PCDH17: variants seen among roughly 807,000 people sequenced by gnomAD.
The protein encoded by PCDH17 is protocadherin-17.
Under a neutral mutation model 67.7 loss-of-function variants are expected in PCDH17, and 21 were observed. The observed-to-expected ratio is 0.31, with a 90% CI of 0.22 to 0.45. The LOEUF is 0.45. PCDH17 is among the 20% of genes least tolerant of loss of function. The pLI is 1.00. For missense variants in PCDH17, 1,471 were observed against 1,564.8 expected (o/e 0.94, Z 1.01); for synonymous variants, 701 against 656.7 (o/e 1.07, Z -1.03).
chr13:57,689,042 G>A (rs575965535), intron 3 of PCDH17, among the ~76,000 whole-genome samples: 24 of 152,074 alleles, frequency 1.6e-4, no homozygotes, highest in African/African-American at 2.4e-4. Flanking sequence ...ATTTATTAGC[G>A]AAGAAATTCA....
In PCDH17 at chr13:57,634,958, GC is replaced by G; in HGVS notation, c.2416del (p.Leu806SerfsTer8). ...PMYFDYQTRL[P>X]LSSPRSEVMY... ...TGTACTTCGACTACCAGACCCGCCT[GC>G]CCCTCAGCTCGCCCCGGTCGGAGGT... On this transcript the variant is annotated frameshift_variant, in exon 1 of 4. Transcript: ENST00000377918. LOFTEE classifies it high-confidence loss of function. This position sits in a 1 kb window ranked among gnomAD's most constrained non-coding sequence, Gnocchi z 7.8. The G allele has an allele frequency of 1.2e-6, 2 of 1,613,890 alleles. No homozygotes were observed. Among genetic ancestry groups the G allele is most frequent in the Non-Finnish European group, 1.7e-6 (2 of 1,179,984 alleles).
intron 1 of PCDH17, among the ~76,000 whole-genome samples, chr13:57,649,313 C>T (rs1208620490): frequency 2.6e-5 from 4 of 152,058 alleles, no homozygotes; most frequent in East Asian, 1.9e-4. Context: ...AAGGAGAATC[C>T]GTCCAAGGGC....
intron 3 of PCDH17, among the ~76,000 whole-genome samples, chr13:57,674,340 T>C (rs1955361691): frequency 6.6e-6 from 1 of 152,024 alleles, no homozygotes; most frequent in South Asian, 2.1e-4. Context: ...TTTTATTTCT[T>C]TCTAGAGACA....
intron 1 of PCDH17, among the ~76,000 whole-genome samples, chr13:57,652,991 G>A (rs1428646612): frequency 6.6e-6 from 1 of 152,132 alleles, no homozygotes; most frequent in Non-Finnish European, 1.5e-5. Context: ...TGTGACCTAT[G>A]TATAACACAT....
intron 3 of PCDH17, among the ~76,000 whole-genome samples, chr13:57,709,464 A>G (rs1394612982): frequency 6.6e-6 from 1 of 151,764 alleles, no homozygotes; most frequent in Non-Finnish European, 1.5e-5. Context: ...AAACTTAAAT[A>G]CCCCCAGAAA....
intron 3 of PCDH17, among the ~76,000 whole-genome samples, chr13:57,678,610 C>T (rs1361910219): frequency 6.6e-6 from 1 of 151,584 alleles, no homozygotes; most frequent in Non-Finnish European, 1.5e-5. Context: ...GTCCATTAAT[C>T]TCTTATTTCA....
At position 57,728,540 on chromosome 13, in the gene PCDH17, A is replaced by T. The variant is rs1955931303; in HGVS notation, c.*3246A>T. 1 of 127,128 alleles carries T rather than the reference A, an allele frequency of 7.9e-6. No homozygotes were observed. Among genetic ancestry groups the T allele is most frequent in the Non-Finnish European group, 1.7e-5 (1 of 59,076 alleles). 7.9% of individuals were successfully genotyped at this position (127,128 alleles called of 1,614,324 possible). A position where few individuals can be genotyped will look rare whatever the true frequency, so the allele number is the denominator to read the frequency against. ...GCTAAAAAAAAAAAAAAAAAAAAAA[A>T]GCAACAAAATAACCTTTTCATCAGA... is the stretch of plus-strand genomic sequence containing the variant. On this transcript the variant is annotated 3_prime_UTR_variant, in exon 4 of 4. Coordinates refer to ENST00000377918, the MANE Select transcript of PCDH17 (RefSeq NM_001040429.3).
At chr13:57,637,107 T>A (rs971618953) in intron 1 of PCDH17, among the ~76,000 whole-genome samples, 3 of 152,050 alleles carry the variant, frequency 2.0e-5, no homozygotes, top group African/African-American at 7.2e-5. Flanking sequence ...CCAAAGCAAA[T>A]ACACACGTGC....
In PCDH17 at chr13:57,632,816, C is replaced by G; in HGVS notation, c.270C>G (p.Ile90Met). Residue 90 changes from isoleucine to methionine, a missense_variant, in exon 1 of 4, where the codon ATC (isoleucine) becomes ATG (methionine). Physicochemically the swap from Ile to Met is conservative, Grantham distance 10 (BLOSUM62 1). This residue lies in a region of PCDH17 where 1,163 missense variants were observed against 1,230.0 expected (regional missense o/e 0.95). Coordinates refer to ENST00000377918, the MANE Select transcript of PCDH17 (RefSeq NM_001040429.3). ...DSGLLYTKQR[I>M]DRESLCRHNA... ...GGCTCCTCTACACCAAGCAGCGCAT[C>G]GACCGCGAGTCCCTGTGCCGCCACA... 2 of 1,613,672 alleles carry G rather than the reference C, an allele frequency of 1.2e-6. No individual in the cohort carries two copies. Among genetic ancestry groups the G allele is most frequent in the Non-Finnish European group, 1.7e-6 (2 of 1,179,988 alleles).
In PCDH17 at chr13:57,633,717, G is replaced by A. The variant is rs1333847040; in HGVS notation, c.1171G>A (p.Val391Ile). The A allele has an allele frequency of 6.2e-7, 1 of 1,601,456 alleles. No homozygotes were observed. The highest frequency in any genetic ancestry group is 8.5e-7 in the Non-Finnish European group (1 of 1,179,166). ...CAAGAACGGACAGCTGCAGTGTCGGGTCCTAGGCGGAGGAGGGACGGGCGG... is the reference window on the plus strand; with the variant it reads ...CAAGAACGGACAGCTGCAGTGTCGGATCCTAGGCGGAGGAGGGACGGGCGG... ...SGKNGQLQCRVLGGGGTGGGG... is the reference protein window; with the variant it reads ...SGKNGQLQCRILGGGGTGGGG... Residue 391 changes from valine (V) to isoleucine (I), a missense_variant, in exon 1 of 4, where the codon GTC becomes ATC. Coordinates refer to ENST00000377918, the MANE Select transcript of PCDH17 (RefSeq NM_001040429.3). This position sits in a 1 kb window ranked among gnomAD's most constrained non-coding sequence, Gnocchi z 6.2.
At chr13:57,639,409 A>T (rs897571093) in intron 1 of PCDH17, among the ~76,000 whole-genome samples, 1 of 151,848 alleles carries the variant, frequency 6.6e-6, no homozygotes, top group African/African-American at 2.4e-5. Flanking sequence ...TTATTTTTAT[A>T]TGCATTTATG....
intron 1 of PCDH17, 25 bp from the exon 2 acceptor site, chr13:57,666,443 G>T: frequency 6.3e-7 from 1 of 1,585,502 alleles, no homozygotes; most frequent in Non-Finnish European, 8.7e-7. Context: ...ACAACTATAC[G>T]TATTTTTTTC....
chr13:57,663,601 A>T (rs551483629), intron 1 of PCDH17, among the ~76,000 whole-genome samples: 1 of 152,160 alleles, frequency 6.6e-6, no homozygotes, highest in African/African-American at 2.4e-5. Context: ...TCAATTAGTT[A>T]TATGTTTGTT....
chr13:57,692,732 C>T (rs1465610139), intron 3 of PCDH17, among the ~76,000 whole-genome samples: 1 of 150,994 alleles, frequency 6.6e-6, no homozygotes, highest in Non-Finnish European at 1.5e-5. Flanking sequence ...CCTTTCAAGC[C>T]TTCCCTTTCA....
chr13:57,683,469 T>A (rs569768888), intron 3 of PCDH17, among the ~76,000 whole-genome samples: 1 of 151,976 alleles, frequency 6.6e-6, no homozygotes, highest in African/African-American at 2.4e-5. Context: ...TGACTGCAGA[T>A]GCTCAGAATA....
chr13:57,647,219 A>T (rs1280279119), intron 1 of PCDH17, among the ~76,000 whole-genome samples: 2 of 151,858 alleles, frequency 1.3e-5, no homozygotes, highest in Admixed American at 1.3e-4. Flanking sequence ...ATCTAAAAAC[A>T]TATGTCATTT....
intron 3 of PCDH17, among the ~76,000 whole-genome samples, chr13:57,691,632 G>A (rs940688323): frequency 3.3e-5 from 5 of 151,262 alleles, no homozygotes; most frequent in East Asian, 1.9e-4. Context: ...TGTAGTATGT[G>A]TACACATCAA....
chr13:57,711,388 A>C (rs1256974264), intron 3 of PCDH17, among the ~76,000 whole-genome samples: 7 of 151,838 alleles, frequency 4.6e-5, no homozygotes, highest in African/African-American at 1.4e-4. Context: ...GCCTTATTTT[A>C]TGTCCACTAA....
At chr13:57,650,444 C>T (rs1955022292) in intron 1 of PCDH17, among the ~76,000 whole-genome samples, 1 of 151,968 alleles carries the variant, frequency 6.6e-6, no homozygotes, top group South Asian at 2.1e-4. Context: ...GGGCCAGTTA[C>T]TCCTCTTCTG....
Sources: gnomAD v4.1 joint callset for allele counts (sites outside exome capture counted in the v4.1 genomes callset) on GRCh38, gnomAD v4.1.1 for gene constraint, gnomAD v4.1.1 regional missense constraint, Gnocchi (gnomAD v3.1) non-coding constraint, MANE v1.5 for transcripts, NCBI Gene and HGNC (gene_info 2026-07-23, HGNC 2026-07-21) for gene names.